The following SLK variants were observed in gnomAD, a reference collection of about 807,000 sequenced individuals.
The protein encoded by SLK is STE20 like kinase, also known as STE20-like serine/threonine-protein kinase.
A neutral mutation model predicts 147.7 loss-of-function variants in SLK; 67 were observed. The ratio of observed to expected loss-of-function variants is 0.45; its 90% CI spans 0.37 to 0.56. The LOEUF (loss-of-function observed/expected upper bound fraction) is 0.56. SLK is among the 20% of genes least tolerant of loss of function. The probability of loss-of-function intolerance (pLI) is 0.00; values close to 1 mark genes in which losing one functional copy is unlikely to be tolerated. For synonymous variants in SLK, 441 were observed against 475.0 expected, an observed-to-expected ratio of 0.93 and a Z score of 0.93; for missense variants, 1,136 against 1,438.8, an observed-to-expected ratio of 0.79 and a Z score of 3.41.
Position 104,020,511 on chromosome 10 carries a change from G to A in SLK, c.3345G>A (p.Arg1115=). Residue 1115 remains arginine, a synonymous_variant, in exon 17 of 19, where the codon AGG becomes AGA. Coordinates refer to ENST00000369755, the MANE Select transcript of SLK (RefSeq NM_014720.4). ...AGTTTGCTGCACAAGAAGAAAAGAG[G>A]CAGAAAAATGAGAGAATGGCTCAGC... ...IKQFAAQEEK[R]QKNERMAQHQ... 6.2e-7 allele frequency: 1 copy of A among 1,613,360 alleles called. No homozygotes were observed. Among genetic ancestry groups the A allele is most frequent in the Non-Finnish European group, 8.5e-7 (1 of 1,179,658 alleles).
chr10:103,994,232 G>A (rs1433544567), intron 4 of SLK, among the ~76,000 whole-genome samples: 1 of 152,144 alleles, frequency 6.6e-6, no homozygotes, highest in Admixed American at 6.5e-5. Context: ...TGTAGCTTAA[G>A]TTTAGTACTT....
chr10:104,021,913 G>T (rs1048875140), intron 18 of SLK, among the ~76,000 whole-genome samples, 180 bp downstream of exon 18: 1 of 152,110 alleles, frequency 6.6e-6, no homozygotes, highest in Non-Finnish European at 1.5e-5. Flanking sequence ...AATTGGTAGG[G>T]TCATTGCTCT....
At chr10:103,984,980 TC>T (rs1848886860) in intron 1 of SLK, among the ~76,000 whole-genome samples, 1 of 152,154 alleles carries the variant, frequency 6.6e-6, no homozygotes, top group African/African-American at 2.4e-5. Flanking sequence ...ATGCAGTAGT[TC>T]CCCCTTATCC....
chr10:104,019,685 TACTG>T (rs759575560), intron 15 of SLK, 45 bp from the exon 16 acceptor site: 2 of 1,344,012 alleles, frequency 1.5e-6, no homozygotes, highest in Non-Finnish European at 2.1e-6. Context: ...TGCATGTGGG[TACTG>T]ACTATTGTTT....
In SLK at chr10:104,005,967, C is replaced by T; in HGVS notation, c.2536C>T (p.Gln846Ter). 2 of 1,612,424 alleles carry T rather than the reference C, an allele frequency of 1.2e-6. No homozygotes were observed. The highest frequency in any genetic ancestry group is 1.7e-6 in the Non-Finnish European group (2 of 1,179,528). ...FLQKEEQRAQ[Q>*]QLNSKLQQQR... is the part of the protein sequence containing the mutation. ...TCAGAAAGAAGAGCAAAGAGCCCAA[C>T]AACAGCTCAATAGCAAACTACAGCA... The change falls in exon 11 of 19, where the codon CAA becomes TAA. Residue 846 changes from glutamine to a stop codon, truncating the protein, a stop_gained. Coordinates refer to ENST00000369755, the MANE Select transcript of SLK (RefSeq NM_014720.4). LOFTEE classifies it high-confidence loss of function.
rs969467093 is a variant in SLK at position 103,993,042 on chromosome 10, T to A, written c.423T>A (p.Asp141Glu). 1.2e-6 allele frequency: 2 copies of A among 1,609,816 alleles called. No homozygotes were observed. The highest frequency in any genetic ancestry group is 1.7e-6 in the Non-Finnish European group (2 of 1,176,692). Reference protein sequence around the residue: ...QIQVVCKQTLDALNYLHDNKI... With the variant: ...QIQVVCKQTLEALNYLHDNKI... ...AAGTAGTTTGCAAGCAGACTTTAGA[T>A]GCATTGAACTACTTACATGATAATA... Residue 141 changes from aspartate to glutamate, a missense_variant, in exon 4 of 19, where the codon GAT becomes GAA. Coordinates refer to ENST00000369755, the MANE Select transcript of SLK (RefSeq NM_014720.4).
In SLK at chr10:103,967,221, C is replaced by T. The variant is rs1347088230; in HGVS notation, c.-525C>T. 2 of 152,076 alleles carry T rather than the reference C, an allele frequency of 1.3e-5. No homozygotes were observed. The highest frequency in any genetic ancestry group is 2.9e-5 in the Non-Finnish European group (2 of 68,444). 9.4% of individuals were successfully genotyped at this position (152,076 alleles called of 1,614,324 possible). On this transcript the variant is annotated 5_prime_UTR_variant, in exon 1 of 19. Transcript: ENST00000369755. ...AGGCGGCGGCGGCGGCGCCCCAGAC[C>T]CGAGGGGACGCGCGGGCCTTGCGCC...
At chr10:103,996,057 T>C (rs983929051) in intron 4 of SLK, among the ~76,000 whole-genome samples, 1 of 152,188 alleles carries the variant, frequency 6.6e-6, no homozygotes, top group East Asian at 1.9e-4. Flanking sequence ...CCACTCCTTA[T>C]GTTGATGTGT....
At chr10:104,000,113 T>C (rs1185512605) in intron 7 of SLK, among the ~76,000 whole-genome samples, 165 bp downstream of exon 7, 1 of 152,242 alleles carries the variant, frequency 6.6e-6, no homozygotes, top group African/African-American at 2.4e-5. Context: ...CCATCAGGCA[T>C]TTAGCTTAAA....
chr10:103,978,965 G>A (rs1843905530), intron 1 of SLK, among the ~76,000 whole-genome samples: 1 of 151,956 alleles, frequency 6.6e-6, no homozygotes, highest in African/African-American at 2.4e-5. Flanking sequence ...TGTCATTTTA[G>A]CATCTCAATT....
chr10:104,004,642 T>C (rs1844300538), intron 9 of SLK, among the ~76,000 whole-genome samples: 1 of 152,138 alleles, frequency 6.6e-6, no homozygotes, highest in Non-Finnish European at 1.5e-5. Flanking sequence ...GATTGGAAGG[T>C]GCCAAAGAGA....
Position 104,006,037 on chromosome 10 carries a change from T to G in SLK, c.2604+2T>G. 6.2e-7 allele frequency: 1 copy of G among 1,610,426 alleles called. No homozygotes were observed. Among genetic ancestry groups the G allele is most frequent in the Non-Finnish European group, 8.5e-7 (1 of 1,179,094 alleles). On this transcript the variant is annotated splice_donor_variant, in intron 11 of 18. Coordinates refer to ENST00000369755, the MANE Select transcript of SLK (RefSeq NM_014720.4). LOFTEE classifies it high-confidence loss of function. Reference sequence around the variant, plus strand: ...CGGCGCTTTGAGCAGGAAATGATGGTAAAGTCTGATTGTTATACCATTTTA... The same window carrying G: ...CGGCGCTTTGAGCAGGAAATGATGGGAAAGTCTGATTGTTATACCATTTTA...
At chr10:103,983,564 G>C (rs115541972) in intron 1 of SLK, among the ~76,000 whole-genome samples, 1,962 of 152,260 alleles carry the variant, frequency 0.013, 41 homozygotes, top group African/African-American at 0.045. Context: ...TAGGGCACTA[G>C]AGGGAGGCTG....
chr10:103,969,212 G>T (rs973577661), intron 1 of SLK, among the ~76,000 whole-genome samples: 1 of 152,014 alleles, frequency 6.6e-6, no homozygotes, highest in Non-Finnish European at 1.5e-5. Flanking sequence ...CAGGTGATCC[G>T]CCCGCCTCGG....
intron 9 of SLK, 86 bp from the exon 10 acceptor site, chr10:104,005,475 A>G (rs901309996): frequency 1.6e-6 from 2 of 1,265,514 alleles, no homozygotes; most frequent in African/African-American, 3.0e-5. Flanking sequence ...GTTTTAAAAA[A>G]GAAAGAAATG....
chr10:104,008,770 G>A (rs1474814412), intron 12 of SLK, among the ~76,000 whole-genome samples: 2 of 152,200 alleles, frequency 1.3e-5, no homozygotes, highest in Non-Finnish European at 2.9e-5. Context: ...GTGTTTGCCA[G>A]TGGCAGCAGT....
rs148872900 is a variant in SLK at position 103,972,023 on chromosome 10, C to T, written c.150+4128C>T. ...AAATTTAGTTTTGTATGCACTTGAACTTTATATGAATGGAATCATATTGAA... is the reference window on the plus strand; with the variant it reads ...AAATTTAGTTTTGTATGCACTTGAATTTTATATGAATGGAATCATATTGAA... On this transcript the variant is annotated intron_variant, in intron 1 of 18. Coordinates refer to ENST00000369755, the MANE Select transcript of SLK (RefSeq NM_014720.4). 5.2e-3 allele frequency among the ~76,000 whole-genome samples: 798 copies of T among 152,274 alleles called. 3 individuals are homozygous for T. The highest frequency in any genetic ancestry group is 0.031 in the Middle Eastern group (9 of 294).
rs1168855939 is a variant in SLK, at chr10:103,992,613, T to C, written c.331T>C (p.Cys111Arg). 8.0e-7 allele frequency: 1 copy of C among 1,247,250 alleles called. No individual in the cohort carries two copies. The highest frequency in any genetic ancestry group is 1.9e-5 in the African/African-American group (1 of 51,872). The allele number at this position is 1,247,250 out of a possible 1,614,324, so 77.3% of individuals were successfully genotyped here. A position where few individuals can be genotyped will look rare whatever the true frequency, so the allele number is the denominator to read the frequency against. The change falls in exon 3 of 19, where the codon TGT (cysteine) becomes CGT (arginine). Residue 111 changes from cysteine to arginine, a missense_variant. Physicochemically the swap from Cys to Arg is radical, Grantham distance 180 (BLOSUM62 -3). Transcript: ENST00000369755. The part of the protein sequence containing the change: ...ENNLWILIEF[C>R]AGGAVDAVML... ...TTGCATGCAGATCCTCATTGAATTT[T>C]GTGCAGGTGGAGCAGTAGATGCTGT...
At position 104,010,920 on chromosome 10, in the gene SLK, A is replaced by G; in HGVS notation, c.2877+12A>G. 6.5e-7 allele frequency: 1 copy of G among 1,532,808 alleles called. No homozygotes were observed. Among genetic ancestry groups the G allele is most frequent in the Admixed American group, 2.3e-5 (1 of 43,490 alleles). The allele number at this position is 1,532,808 out of a possible 1,614,324, so 95.0% of individuals were successfully genotyped here. ...GCCAGCATGCTCAGGTAACAGCAGCAGCTTAATGCTACTAAAACCAGAAAG... is the reference window on the plus strand; with the variant it reads ...GCCAGCATGCTCAGGTAACAGCAGCGGCTTAATGCTACTAAAACCAGAAAG... On this transcript the variant is annotated intron_variant, in intron 13 of 18. Transcript: ENST00000369755.
Sources: allele counts gnomAD v4.1 joint callset (sites outside exome capture counted in the v4.1 genomes callset), GRCh38; gene constraint gnomAD v4.1.1; transcripts MANE v1.5; gene names NCBI Gene and HGNC (gene_info 2026-07-23, HGNC 2026-07-21).